ZAP70: variants seen among roughly 807,000 people sequenced by gnomAD.
ZAP70 encodes the protein tyrosine-protein kinase ZAP-70.
ZAP70 carries 27 observed loss-of-function variants against 65.8 expected under a neutral mutation model. The observed-to-expected ratio is 0.41, with a 90% CI of 0.30 to 0.57. The LOEUF (loss-of-function observed/expected upper bound fraction) is 0.57, where lower values mean the gene tolerates loss of function less well. Among genes scored for constraint, ZAP70 ranks in the 20% least tolerant of loss-of-function variants. ZAP70 has a pLI of 0.28. For synonymous variants in ZAP70, 363 were observed against 360.8 expected (o/e 1.01, Z -0.07); for missense variants, 696 against 870.5 (o/e 0.80, Z 2.52).
At position 97,735,468 on chromosome 2, in the gene ZAP70, G is replaced by A. The variant is rs748445007; in HGVS notation, c.1289+12G>A. 3.1e-6 allele frequency: 5 copies of A among 1,604,624 alleles called. No individual in the cohort carries two copies. The highest frequency in any genetic ancestry group is 4.3e-6 in the Non-Finnish European group (5 of 1,173,926). On this transcript the variant is annotated intron_variant, in intron 10 of 13. Transcript: ENST00000264972. ...CTGGTCGGCAAGAGGTGAGCACCGG[G>A]TGGGCCCGGCCATCGGGTGGGTGGG...
the ZAP70 span, among the ~76,000 whole-genome samples, chr2:97,747,555 C>G: frequency 6.6e-6 from 1 of 152,024 alleles, no homozygotes; most frequent in Non-Finnish European, 1.5e-5. Context: ...TTGCCAGGGG[C>G]TAGGGGAAGG....
intron 2 of ZAP70, among the ~76,000 whole-genome samples, chr2:97,722,243 G>C (rs949245744): frequency 5.1e-4 from 77 of 151,806 alleles, no homozygotes; most frequent in African/African-American, 1.8e-3. Context: ...ACCACCTCTG[G>C]CTAATTTTTT....
At chr2:97,743,352 T>C (rs1048459884), downstream of ZAP70, among the ~76,000 whole-genome samples, 2 of 152,222 alleles carry the variant, frequency 1.3e-5, no homozygotes, top group Admixed American at 1.3e-4. Context: ...TTCTTTTCTT[T>C]GAGATAAAGT....
At chr2:97,726,789 G>T (rs1331138027) in intron 4 of ZAP70, among the ~76,000 whole-genome samples, 1 of 152,246 alleles carries the variant, frequency 6.6e-6, no homozygotes, top group Non-Finnish European at 1.5e-5. Flanking sequence ...ATACTCAGTT[G>T]CCGGCACAAC....
At chr2:97,730,367 C>T (rs983039382) in intron 4 of ZAP70, among the ~76,000 whole-genome samples, 3 of 152,176 alleles carry the variant, frequency 2.0e-5, no homozygotes, top group African/African-American at 7.2e-5. Context: ...CCACAGCCAG[C>T]TGGAAGATTG....
At chr2:97,740,867 G>A (rs1009920004), downstream of ZAP70, among the ~76,000 whole-genome samples, 10 of 152,204 alleles carry the variant, frequency 6.6e-5, no homozygotes, top group Admixed American at 2.6e-4. Context: ...GGGTGACAAA[G>A]TCCGGCAGAG....
intron 2 of ZAP70, 29 bp from the exon 3 acceptor site, chr2:97,723,987 C>G (rs1458951163): frequency 2.6e-6 from 4 of 1,534,640 alleles, no homozygotes; most frequent in Non-Finnish European, 3.5e-6. Flanking sequence ...AAGGCCCTGA[C>G]GTGCCTCCGA....
the ZAP70 span, among the ~76,000 whole-genome samples, chr2:97,749,301 G>A: frequency 6.6e-6 from 1 of 152,182 alleles, no homozygotes; most frequent in Non-Finnish European, 1.5e-5. Flanking sequence ...GAGGCACCGC[G>A]CCCGGCTGAC....
rs201754939 is a variant in ZAP70 at position 97,713,921 on chromosome 2, G to C, written c.-95G>C. 6.6e-6 allele frequency: 1 copy of C among 152,416 alleles called. No individual in the cohort carries two copies. Among genetic ancestry groups the C allele is most frequent in the African/African-American group, 2.4e-5 (1 of 41,456 alleles). The allele number at this position is 152,416 out of a possible 1,614,324, so 9.4% of individuals were successfully genotyped here. ...AGCCCCGATTCCTCACCCAGAACCGGCTCTCCATTGGCATTGGGACCAGAG... is the reference window on the plus strand; with the variant it reads ...AGCCCCGATTCCTCACCCAGAACCGCCTCTCCATTGGCATTGGGACCAGAG... On this transcript the variant is annotated 5_prime_UTR_variant, in exon 2 of 14. Transcript: ENST00000264972.
At chr2:97,717,377 C>T (rs1008182336) in intron 2 of ZAP70, among the ~76,000 whole-genome samples, 13 of 136,918 alleles carry the variant, frequency 9.5e-5, no homozygotes, top group Non-Finnish European at 1.6e-4. Flanking sequence ...GGGAGACATG[C>T]GGAGCCTCTG....
chr2:97,739,656 C>A lies in ZAP70; in HGVS notation c.*158C>A. On this transcript the variant is annotated 3_prime_UTR_variant, in exon 14 of 14. Coordinates refer to ENST00000264972, the MANE Select transcript of ZAP70 (RefSeq NM_001079.4). ...GCCACACCGGCCTTGCATTGCCTGC[C>A]TGGCCCCCTGTCCTCTCTGGCTGGG... is the stretch of plus-strand genomic sequence containing the variant. The A allele has an allele frequency of 8.6e-7, 1 of 1,163,828 alleles. No homozygotes were observed. Among genetic ancestry groups the A allele is most frequent in the South Asian group, 1.5e-5 (1 of 66,718 alleles). 72.1% of individuals were successfully genotyped at this position (1,163,828 alleles called of 1,614,324 possible).
chr2:97,734,716 T>C lies in ZAP70; in HGVS notation c.1082+4T>C. The C allele has an allele frequency of 6.2e-7, 1 of 1,613,292 alleles. No homozygotes were observed. Among genetic ancestry groups the C allele is most frequent in the Non-Finnish European group, 8.5e-7 (1 of 1,179,928 alleles). ...AGGGCGTGTACCGCATGCGCAAGTA[T>C]GGCCGCCCCTGCCGTGGTGGGAGCA... On this transcript the variant is annotated splice_donor_region_variant and intron_variant, in intron 9 of 13. Coordinates refer to ENST00000264972, the MANE Select transcript of ZAP70 (RefSeq NM_001079.4).
chr2:97,717,808 T>A (rs1178164451), intron 2 of ZAP70, among the ~76,000 whole-genome samples: 8 of 152,254 alleles, frequency 5.3e-5, no homozygotes, highest in Non-Finnish European at 1.0e-4. Flanking sequence ...CTGATCTCTC[T>A]GGAACAGCTG....
At chr2:97,734,309 CAT>C (rs1677748648) in intron 8 of ZAP70, 1 of 1,377,212 alleles carries the variant, frequency 7.3e-7, no homozygotes, top group African/African-American at 1.5e-5. Flanking sequence ...AGTCCACCCT[CAT>C]GTGGCTTCAT....
At position 97,737,371 on chromosome 2, in the gene ZAP70, T is replaced by C; in HGVS notation, c.1290-102T>C. ...TGCTCAATAAGCGTTTTTGAACACA[T>C]GGTCACCTGGCTCATGCCCAGCTGG... is the stretch of plus-strand genomic sequence containing the variant. On this transcript the variant is annotated intron_variant, in intron 10 of 13. Coordinates refer to ENST00000264972, the MANE Select transcript of ZAP70 (RefSeq NM_001079.4). This position sits in a 1 kb window ranked among gnomAD's most constrained non-coding sequence, Gnocchi z 5.0. 1.6e-6 allele frequency: 2 copies of C among 1,286,562 alleles called. No individual in the cohort carries two copies. Among genetic ancestry groups the C allele is most frequent in the African/African-American group, 2.9e-5 (2 of 68,680 alleles). The allele number at this position is 1,286,562 out of a possible 1,614,324, so 79.7% of individuals were successfully genotyped here.
the ZAP70 span, among the ~76,000 whole-genome samples, chr2:97,746,296 T>C: frequency 6.6e-6 from 1 of 152,172 alleles, no homozygotes; most frequent in African/African-American, 2.4e-5. Context: ...ATTGTGCACC[T>C]AGAAAGTTAA....
the ZAP70 span, among the ~76,000 whole-genome samples, chr2:97,754,854 A>G: frequency 1.3e-5 from 2 of 152,234 alleles, no homozygotes; most frequent in Non-Finnish European, 2.9e-5. Flanking sequence ...TGCTGCTAAC[A>G]TTGTACAAGG....
Position 97,725,168 on chromosome 2 carries a change from G to A in ZAP70, c.479G>A (p.Arg160Gln), listed in dbSNP as rs1197780352. ...EKLIATTAHERMPWYHSSLTR... is the reference protein window; with the variant it reads ...EKLIATTAHEQMPWYHSSLTR... ...CTCATTGCTACGACGGCCCACGAGC[G>A]GATGCCCTGGTACCACAGCAGCCTG... is the stretch of plus-strand genomic sequence containing the variant. Residue 160 changes from arginine (R) to glutamine (Q), a missense_variant, in exon 4 of 14, where the codon CGG (arginine) becomes CAG (glutamine). By Grantham distance (43) the Arg-to-Gln change is conservative. This residue lies in a region of ZAP70 where 551 missense variants were observed against 630.0 expected (regional missense o/e 0.87). Coordinates refer to ENST00000264972, the MANE Select transcript of ZAP70 (RefSeq NM_001079.4). 3.7e-6 allele frequency: 6 copies of A among 1,614,166 alleles called. No individual in the cohort carries two copies. Among genetic ancestry groups the A allele is most frequent in the East Asian group, 2.2e-5 (1 of 44,878 alleles).
intron 2 of ZAP70, among the ~76,000 whole-genome samples, chr2:97,716,789 G>C (rs1676933524): frequency 6.6e-6 from 1 of 152,102 alleles, no homozygotes; most frequent in Non-Finnish European, 1.5e-5. Context: ...CCCCGAGTGA[G>C]GTGGGAGCCT....
Sources: gnomAD v4.1 joint callset for allele counts (sites outside exome capture counted in the v4.1 genomes callset) on GRCh38, gnomAD v4.1.1 for gene constraint, gnomAD v4.1.1 regional missense constraint, Gnocchi (gnomAD v3.1) non-coding constraint, MANE v1.5 for transcripts, NCBI Gene and HGNC (gene_info 2026-07-23, HGNC 2026-07-21) for gene names.